Variants in IGF1R observed in about 807,000 individuals in gnomAD.
The protein encoded by IGF1R is insulin like growth factor 1 receptor.
In IGF1R, 44 loss-of-function variants were observed where a neutral mutation model predicts 144.6. That is an observed-to-expected ratio of 0.30 (90% confidence interval 0.24 to 0.39). IGF1R has a LOEUF of 0.39. IGF1R is among the 10% of genes least tolerant of loss of function. The pLI is 1.00. For missense variants in IGF1R, 1,355 were observed against 1,833.7 expected (o/e 0.74, Z 4.77); for synonymous variants, 795 against 722.8 (o/e 1.10, Z -1.60).
At chr15:98,827,218 A>C (rs1199037677) in intron 2 of IGF1R, among the ~76,000 whole-genome samples, 1 of 152,166 alleles carries the variant, frequency 6.6e-6, no homozygotes, top group Non-Finnish European at 1.5e-5. Flanking sequence ...TGTATTTAGG[A>C]GTTTCAGAGC....
intron 3 of IGF1R, among the ~76,000 whole-genome samples, chr15:98,892,920 A>G (rs1332583725): frequency 6.6e-6 from 1 of 152,154 alleles, no homozygotes; most frequent in Non-Finnish European, 1.5e-5. Context: ...GGGAGTTGCA[A>G]GTGGGAGGAT....
At chr15:98,671,994 G>C (rs1370239901) in intron 1 of IGF1R, among the ~76,000 whole-genome samples, 1 of 152,184 alleles carries the variant, frequency 6.6e-6, no homozygotes, top group East Asian at 1.9e-4. Context: ...TCAAATTTAA[G>C]TTCTTCCTTA....
intron 10 of IGF1R, among the ~76,000 whole-genome samples, chr15:98,919,059 T>G (rs547685924): frequency 5.7e-4 from 87 of 152,264 alleles, no homozygotes; most frequent in African/African-American, 2.0e-3. Flanking sequence ...CACTGGTGGT[T>G]CCTAGAAAGC....
At chr15:98,895,833 G>T (rs368252416) in intron 3 of IGF1R, among the ~76,000 whole-genome samples, 41 of 152,238 alleles carry the variant, frequency 2.7e-4, no homozygotes, top group African/African-American at 9.6e-4. Context: ...ACATATAATG[G>T]CTCCCCAGCT....
At chr15:98,787,299 G>A (rs2056021274) in intron 2 of IGF1R, among the ~76,000 whole-genome samples, 1 of 152,114 alleles carries the variant, frequency 6.6e-6, no homozygotes, top group Non-Finnish European at 1.5e-5. Flanking sequence ...ACTATATTAG[G>A]GGCATGGATA....
At chr15:98,771,422 A>G (rs1224553543) in intron 2 of IGF1R, among the ~76,000 whole-genome samples, 2 of 152,138 alleles carry the variant, frequency 1.3e-5, no homozygotes, top group Non-Finnish European at 2.9e-5. Context: ...ATTCCTGTGA[A>G]TAAAGCAAAC....
rs140577298 is a variant in IGF1R, at chr15:98,717,645, CTATT to C, written c.640+9544_640+9547del. On this transcript the variant is annotated intron_variant, in intron 2 of 20. Coordinates refer to ENST00000650285, the MANE Select transcript of IGF1R (RefSeq NM_000875.5). ...GAGTCACCCTAGTCATATGTAAACT[CTATT>C]TATTTGGTTCCGAAACTGAATTTAT... Among the ~76,000 whole-genome samples the C allele has an allele frequency of 5.3e-3, 806 of 152,182 alleles. 4 individuals are homozygous for C. The highest frequency in any genetic ancestry group is 0.018 in the African/African-American group (729 of 41,500).
At chr15:98,768,795 C>G (rs1485746323) in intron 2 of IGF1R, among the ~76,000 whole-genome samples, 2 of 141,722 alleles carry the variant, frequency 1.4e-5, no homozygotes, top group South Asian at 2.3e-4. Context: ...GGGCGCGGTG[C>G]CGGGCGCCTG....
intron 2 of IGF1R, among the ~76,000 whole-genome samples, chr15:98,869,509 C>T (rs1456862883): frequency 1.3e-5 from 2 of 151,446 alleles, no homozygotes; most frequent in African/African-American, 4.9e-5. Context: ...ATCTCCGGCT[C>T]ACCGCAACCT....
chr15:98,686,405 T>G (rs2053329241), intron 1 of IGF1R, among the ~76,000 whole-genome samples: 1 of 152,214 alleles, frequency 6.6e-6, no homozygotes, highest in African/African-American at 2.4e-5. Context: ...TTTCCTTAAG[T>G]CTTTCAGTTC....
intron 1 of IGF1R, among the ~76,000 whole-genome samples, chr15:98,691,386 A>T (rs2053472939): frequency 7.1e-6 from 1 of 140,544 alleles, no homozygotes; most frequent in African/African-American, 2.7e-5. Flanking sequence ...TTTTTTTGAG[A>T]CAGAGTCTCA....
chr15:98,961,059 G>A lies in IGF1R; in HGVS notation c.*3617G>A, dbSNP rs376818701. On this transcript the variant is annotated 3_prime_UTR_variant, in exon 21 of 21. Coordinates refer to ENST00000650285, the MANE Select transcript of IGF1R (RefSeq NM_000875.5). Reference sequence around the variant, plus strand: ...TTTGCCTAAGCGTGGATGGCTCCTCGGCAATTCCAGCCTAAGTGAAGGCGC... The same window carrying A: ...TTTGCCTAAGCGTGGATGGCTCCTCAGCAATTCCAGCCTAAGTGAAGGCGC... 1.1e-4 allele frequency: 25 copies of A among 233,448 alleles called. No homozygotes were observed. The highest frequency in any genetic ancestry group is 1.9e-4 in the Non-Finnish European group (22 of 117,988). The allele number at this position is 233,448 out of a possible 1,614,324, so 14.5% of individuals were successfully genotyped here.
At chr15:98,747,628 G>A (rs1246770868) in intron 2 of IGF1R, among the ~76,000 whole-genome samples, 1 of 152,118 alleles carries the variant, frequency 6.6e-6, no homozygotes, top group East Asian at 1.9e-4. Context: ...GAACTGTGTC[G>A]GGTGGTCCTG....
intron 6 of IGF1R, 152 bp downstream of exon 6, chr15:98,909,051 A>G: frequency 4.2e-6 from 3 of 720,692 alleles, no homozygotes; most frequent in East Asian, 5.4e-5. Flanking sequence ...GCTCCTACTT[A>G]TATGTCATCA....
At chr15:98,885,856 C>T (rs944505737) in intron 2 of IGF1R, among the ~76,000 whole-genome samples, 1 of 146,372 alleles carries the variant, frequency 6.8e-6, no homozygotes, top group Non-Finnish European at 1.5e-5. Flanking sequence ...TGTTCTTGTC[C>T]CTCAGGCTGG....
intron 10 of IGF1R, among the ~76,000 whole-genome samples, chr15:98,918,804 G>A (rs1464875528): frequency 2.0e-5 from 3 of 152,164 alleles, no homozygotes; most frequent in African/African-American, 4.8e-5. Context: ...GCTTGAACCC[G>A]GGAGGTGGAG....
chr15:98,932,871 C>T (rs2015998832), intron 15 of IGF1R, among the ~76,000 whole-genome samples: 1 of 152,202 alleles, frequency 6.6e-6, no homozygotes, highest in South Asian at 2.1e-4. Flanking sequence ...ATATTGGACA[C>T]CCCTCAGAGG....
chr15:98,665,789 G>A (rs1454098493), intron 1 of IGF1R, among the ~76,000 whole-genome samples: 1 of 152,254 alleles, frequency 6.6e-6, no homozygotes, highest in Admixed American at 6.5e-5. Context: ...GCCAGCTGCA[G>A]TGTGTTGCCT....
chr15:98,927,598 G>T (rs1226297686), intron 13 of IGF1R, among the ~76,000 whole-genome samples: 1 of 152,104 alleles, frequency 6.6e-6, no homozygotes, highest in Non-Finnish European at 1.5e-5. Flanking sequence ...TGATATAAGG[G>T]CCTTGGGGGA....
Sources: allele counts gnomAD v4.1 joint callset (sites outside exome capture counted in the v4.1 genomes callset), GRCh38; gene constraint gnomAD v4.1.1; transcripts MANE v1.5; gene names NCBI Gene and HGNC (gene_info 2026-07-23, HGNC 2026-07-21).